Variants in GPC6 observed in about 807,000 individuals in gnomAD.
GPC6 encodes the protein glypican-6.
In GPC6, 14 loss-of-function variants were observed where a neutral mutation model predicts 55.2. The ratio of observed to expected loss-of-function variants is 0.25; its 90% CI spans 0.17 to 0.40. The LOEUF (loss-of-function observed/expected upper bound fraction) is 0.40. Ranked by LOEUF, GPC6 falls within the 10% of genes least tolerant of loss-of-function variation. The pLI, the probability that GPC6 is intolerant of heterozygous loss-of-function variation, is 1.00. For missense variants in GPC6, 641 were observed against 708.5 expected (o/e 0.90, Z 1.08); for synonymous variants, 278 against 259.6 (o/e 1.07, Z -0.68).
intron 2 of GPC6, among the ~76,000 whole-genome samples, chr13:93,794,969 G>A (rs1310087068): frequency 6.6e-6 from 1 of 152,122 alleles, no homozygotes; most frequent in African/African-American, 2.4e-5. Context: ...ATAGCAAATG[G>A]TAGCCACTCT....
Position 93,547,207 on chromosome 13 carries a change from G to C in GPC6, c.319+1786G>C, listed in dbSNP as rs543992946. Among the ~76,000 whole-genome samples the C allele has an allele frequency of 2.0e-5, 3 of 150,266 alleles. No individual in the cohort carries two copies. In the East Asian group the frequency reaches 5.9e-4, roughly 29 times the overall value. On this transcript the variant is annotated intron_variant, in intron 2 of 8. Coordinates refer to ENST00000377047, the MANE Select transcript of GPC6 (RefSeq NM_005708.5). ...AAAAAAAAAAAAAAATTAGCTGGGC[G>C]TGGTGCCAGGCGCCTGTAGTCCCAG...
chr13:93,527,782 A>G (rs1881711900), intron 1 of GPC6, among the ~76,000 whole-genome samples: 2 of 152,112 alleles, frequency 1.3e-5, no homozygotes, highest in African/African-American at 4.8e-5. Context: ...ATCTTAAATG[A>G]TTAGTGGGAA....
chr13:94,201,680 G>A (rs1348472131), intron 4 of GPC6, among the ~76,000 whole-genome samples: 1 of 152,252 alleles, frequency 6.6e-6, no homozygotes, highest in Non-Finnish European at 1.5e-5. Context: ...GCCGGGCATG[G>A]TGGCTTACAC....
At position 93,453,177 on chromosome 13, in the gene GPC6, G is replaced by A. The variant is rs75874870; in HGVS notation, c.161-92086G>A. Among the ~76,000 whole-genome samples, 1,334 of 152,248 alleles carry A rather than the reference G, an allele frequency of 8.8e-3. 20 individuals carry two copies. The highest frequency in any genetic ancestry group is 0.031 in the African/African-American group (1,286 of 41,554). ...TGAATTATTAACTACTGATGGCGTC[G>A]AAGACCCAAGTCATTCCTGAATTGC... is the stretch of plus-strand genomic sequence containing the variant. On this transcript the variant is annotated intron_variant, in intron 1 of 8. Coordinates refer to ENST00000377047, the MANE Select transcript of GPC6 (RefSeq NM_005708.5).
At chr13:94,223,609 T>A (rs982711161) in intron 4 of GPC6, among the ~76,000 whole-genome samples, 1 of 152,124 alleles carries the variant, frequency 6.6e-6, no homozygotes. Flanking sequence ...AATGCAAACA[T>A]CGTTTATTAA....
chr13:93,360,987 G>A (rs1250833440), intron 1 of GPC6, among the ~76,000 whole-genome samples: 2 of 152,094 alleles, frequency 1.3e-5, no homozygotes, highest in African/African-American at 4.8e-5. Context: ...CTGTCCTCTG[G>A]AATCTTACTC....
intron 3 of GPC6, among the ~76,000 whole-genome samples, chr13:93,833,110 AGAGAGAGAGAGAG>A (rs1887588098): frequency 1.7e-4 from 3 of 17,216 alleles, no homozygotes; most frequent in African/African-American, 8.5e-4. Flanking sequence ...TAGATGATAG[AGAGAGAGAGAGAG>A]AGAGAGAGAG....
chr13:93,385,003 G>C (rs1040964053), intron 1 of GPC6, among the ~76,000 whole-genome samples: 6 of 152,204 alleles, frequency 3.9e-5, no homozygotes, highest in Non-Finnish European at 8.8e-5. Flanking sequence ...GGAGAGACCA[G>C]TAGAAGGGAA....
intron 1 of GPC6, among the ~76,000 whole-genome samples, chr13:93,444,093 T>G (rs987627300): frequency 2.0e-5 from 3 of 152,140 alleles, no homozygotes; most frequent in African/African-American, 7.2e-5. Context: ...TTAGTGAATC[T>G]GTTTATTGAT....
At chr13:94,266,148 TTTC>T (rs1258812071) in intron 4 of GPC6, among the ~76,000 whole-genome samples, 2 of 103,854 alleles carry the variant, frequency 1.9e-5, no homozygotes, top group Non-Finnish European at 4.2e-5. Flanking sequence ...TTACTTTTCT[TTTC>T]TTTTTTTTTT....
intron 1 of GPC6, among the ~76,000 whole-genome samples, chr13:93,333,948 C>T (rs1190984388): frequency 6.6e-6 from 1 of 152,112 alleles, no homozygotes; most frequent in Non-Finnish European, 1.5e-5. Context: ...AATATAAGAT[C>T]ATGTTGACTG....
At chr13:93,313,596 GTAAA>G (rs1388973038) in intron 1 of GPC6, among the ~76,000 whole-genome samples, 1 of 152,040 alleles carries the variant, frequency 6.6e-6, no homozygotes, top group East Asian at 1.9e-4. Context: ...TGTAACCCGT[GTAAA>G]TAGTTTCCTG....
intron 1 of GPC6, among the ~76,000 whole-genome samples, chr13:93,295,864 A>G (rs1878479930): frequency 6.6e-6 from 1 of 151,892 alleles, no homozygotes; most frequent in African/African-American, 2.4e-5. Context: ...GTGTGCCATC[A>G]TGGCCGGCTA....
chr13:93,366,041 G>T (rs548611637), intron 1 of GPC6, among the ~76,000 whole-genome samples: 2 of 152,096 alleles, frequency 1.3e-5, no homozygotes, highest in African/African-American at 2.4e-5. Flanking sequence ...CCAAGTAGTG[G>T]GGTGAGAGAT....
intron 4 of GPC6, among the ~76,000 whole-genome samples, chr13:94,129,141 A>G (rs1232655898): frequency 6.6e-6 from 1 of 152,204 alleles, no homozygotes; most frequent in Non-Finnish European, 1.5e-5. Context: ...AGCACATTTT[A>G]AAAACATGCT....
At chr13:93,285,616 C>CTGTGTGTGTG (rs754671051) in intron 1 of GPC6, among the ~76,000 whole-genome samples, 123 of 103,586 alleles carry the variant, frequency 1.2e-3, no homozygotes, top group Middle Eastern at 9.4e-3. Context: ...GTATATACTG[C>CTGTGTGTGTG]TGTGTGTGTG....
At chr13:94,016,382 AC>A (rs1231619423) in intron 3 of GPC6, among the ~76,000 whole-genome samples, 5 of 152,224 alleles carry the variant, frequency 3.3e-5, no homozygotes, top group Admixed American at 3.3e-4. Context: ...GACGGAGCTC[AC>A]ACAGTAACAA....
At chr13:93,705,347 T>C (rs1787696413) in intron 2 of GPC6, among the ~76,000 whole-genome samples, 1 of 152,030 alleles carries the variant, frequency 6.6e-6, no homozygotes, top group Admixed American at 6.6e-5. Flanking sequence ...TGAGAGAAAA[T>C]GTTTAGAAAC....
chr13:93,513,279 C>T (rs1223098560), intron 1 of GPC6, among the ~76,000 whole-genome samples: 1 of 152,180 alleles, frequency 6.6e-6, no homozygotes, highest in African/African-American at 2.4e-5. Flanking sequence ...CACCTCACCT[C>T]AGTCCCCGGA....
Sources: gnomAD v4.1 joint callset for allele counts (sites outside exome capture counted in the v4.1 genomes callset) on GRCh38, gnomAD v4.1.1 for gene constraint, MANE v1.5 for transcripts, NCBI Gene and HGNC (gene_info 2026-07-23, HGNC 2026-07-21) for gene names.